The following ATRN variants were observed in gnomAD, a reference collection of about 807,000 sequenced individuals.
ATRN encodes the protein attractin-2.
In ATRN, 54 loss-of-function variants were observed where a neutral mutation model predicts 178.7. The observed-to-expected ratio is 0.30, with a 90% CI of 0.24 to 0.38. The LOEUF (loss-of-function observed/expected upper bound fraction) is 0.38. Ranked by LOEUF, ATRN falls within the 10% of genes least tolerant of loss-of-function variation. ATRN has a pLI of 1.00. For synonymous variants in ATRN, 636 were observed against 663.0 expected (o/e 0.96, Z 0.63); for missense variants, 1,443 against 1,815.1 (o/e 0.79, Z 3.73).
At chr20:3,556,434 C>A (rs2085877531) in intron 6 of ATRN, among the ~76,000 whole-genome samples, 1 of 152,172 alleles carries the variant, frequency 6.6e-6, no homozygotes, top group African/African-American at 2.4e-5. Context: ...GGGGTCATGT[C>A]TAGTCTCCAC....
At position 3,565,390 on chromosome 20, in the gene ATRN, A is replaced by G. The variant is rs747827233; in HGVS notation, c.1829A>G (p.His610Arg). 4 of 1,614,020 alleles carry G rather than the reference A, an allele frequency of 2.5e-6. No homozygotes were observed. In the South Asian group the frequency reaches 3.3e-5, roughly 13 times the overall value. Reference sequence around the variant, plus strand: ...GTGCTTCCCAGACCTGATCTCCACCATGATGTCAACAGATTTGGCCATTCA... The same window carrying G: ...GTGCTTCCCAGACCTGATCTCCACCGTGATGTCAACAGATTTGGCCATTCA... ...WSVLPRPDLH[H>R]DVNRFGHSAV... The change falls in exon 11 of 29, where the codon CAT becomes CGT. Residue 610 changes from histidine (H) to arginine (R), a missense_variant. This residue lies in a region of ATRN where 862 missense variants were observed against 972.1 expected (regional missense o/e 0.89). Transcript: ENST00000262919.
chr20:3,474,942 G>T (rs1307161041), intron 1 of ATRN, among the ~76,000 whole-genome samples: 1 of 148,130 alleles, frequency 6.8e-6, no homozygotes, highest in African/African-American at 2.5e-5. Context: ...TGAGGCAGGA[G>T]AATTGCTTGA....
intron 13 of ATRN, among the ~76,000 whole-genome samples, 185 bp downstream of exon 13, chr20:3,576,133 C>G (rs760380404): frequency 1.4e-4 from 21 of 152,112 alleles, no homozygotes; most frequent in Non-Finnish European, 2.9e-4. Context: ...GTCCTACTAG[C>G]CCTGGGAATT....
rs548451784 is a variant in ATRN at position 3,492,835 on chromosome 20, GGA to G, written c.410+21336_410+21337del. 2.7e-3 allele frequency among the ~76,000 whole-genome samples: 354 copies of G among 132,554 alleles called. 6 individuals are homozygous for G. The South Asian group carries it at 0.033, about 12-fold the overall frequency. The allele number at this position is 132,554 out of a possible 152,430, so 87.0% of individuals were successfully genotyped here. A position where few individuals can be genotyped will look rare whatever the true frequency, so the allele number is the denominator to read the frequency against. On this transcript the variant is annotated intron_variant, in intron 1 of 28. Coordinates refer to ENST00000262919, the MANE Select transcript of ATRN (RefSeq NM_139321.3). ...TCCAGAGAGAGAGAGAAATAGAAAG[GGA>G]GAGAGAGAGAGAGAGAGGCGCGCGC...
chr20:3,634,149 C>T (rs1157485000), intron 25 of ATRN, among the ~76,000 whole-genome samples, 162 bp from the exon 26 acceptor site: 1 of 152,188 alleles, frequency 6.6e-6, no homozygotes, highest in Admixed American at 6.5e-5. Context: ...AGTTGTCTCA[C>T]TCATTACCTC....
intron 3 of ATRN, among the ~76,000 whole-genome samples, chr20:3,541,932 CAGAG>C (rs1219938319): frequency 6.6e-6 from 1 of 152,156 alleles, no homozygotes; most frequent in African/African-American, 2.4e-5. Context: ...AGGGAGGTAA[CAGAG>C]AGCAAACAGT....
chr20:3,588,898 A>G (rs752831816), intron 18 of ATRN, among the ~76,000 whole-genome samples: 7 of 150,958 alleles, frequency 4.6e-5, no homozygotes, highest in African/African-American at 7.3e-5. Context: ...TGAGTGAGTC[A>G]GTTTTGGTAA....
intron 1 of ATRN, among the ~76,000 whole-genome samples, chr20:3,487,543 T>C (rs992588003): frequency 4.6e-5 from 7 of 152,214 alleles, no homozygotes; most frequent in Non-Finnish European, 8.8e-5. Context: ...AACTGAACTT[T>C]ATAGGGTCTA....
At chr20:3,541,199 T>A (rs1015437017) in intron 3 of ATRN, among the ~76,000 whole-genome samples, 1 of 150,502 alleles carries the variant, frequency 6.6e-6, no homozygotes, top group Non-Finnish European at 1.5e-5. Flanking sequence ...TGCCTCAGCC[T>A]CCCGAGTAGC....
chr20:3,524,344 C>T (rs1425599335), intron 1 of ATRN, among the ~76,000 whole-genome samples: 2 of 151,940 alleles, frequency 1.3e-5, no homozygotes, highest in Non-Finnish European at 2.9e-5. Flanking sequence ...TTAAAGAGAT[C>T]AATGCAACAA....
intron 1 of ATRN, among the ~76,000 whole-genome samples, chr20:3,474,964 G>C (rs1008213056): frequency 6.6e-6 from 1 of 150,576 alleles, no homozygotes; most frequent in South Asian, 2.1e-4. Flanking sequence ...CCCGGGAAGC[G>C]GAGGTTGCAG....
At chr20:3,634,048 A>G (rs369872081) in intron 25 of ATRN, among the ~76,000 whole-genome samples, 37 of 152,274 alleles carry the variant, frequency 2.4e-4, no homozygotes, top group African/African-American at 8.7e-4. Context: ...GGCCATTCTG[A>G]TGAAGGCCAA....
chr20:3,577,011 G>A lies in ATRN; in HGVS notation c.2353+14G>A, dbSNP rs756349631. 4.3e-6 allele frequency: 7 copies of A among 1,613,040 alleles called. No individual in the cohort carries two copies. The highest frequency in any genetic ancestry group is 1.3e-5 in the African/African-American group (1 of 74,874). On this transcript the variant is annotated intron_variant, in intron 14 of 28. Transcript: ENST00000262919. The stretch of plus-strand genomic sequence containing the variant: ...TTGCCCTGCCCGGTAGGCCTTGCAG[G>A]GTCATCTTGGTGTGTGTGGGTCCAT...
chr20:3,504,967 CA>C (rs2085021086), intron 1 of ATRN, among the ~76,000 whole-genome samples: 1 of 151,910 alleles, frequency 6.6e-6, no homozygotes, highest in Admixed American at 6.6e-5. Context: ...TAAAACTATA[CA>C]AAAAGATAAA....
At chr20:3,475,700 A>G (rs2084517705) in intron 1 of ATRN, among the ~76,000 whole-genome samples, 1 of 152,216 alleles carries the variant, frequency 6.6e-6, no homozygotes, top group African/African-American at 2.4e-5. Context: ...CAATTCTTTT[A>G]AGTTCCTGCT....
At chr20:3,528,912 A>T (rs2085411761) in intron 1 of ATRN, among the ~76,000 whole-genome samples, 1 of 152,012 alleles carries the variant, frequency 6.6e-6, no homozygotes, top group Admixed American at 6.6e-5. Flanking sequence ...TCCTGGGCTC[A>T]AGCAATCCTT....
chr20:3,549,252 A>G lies in ATRN; in HGVS notation c.1026A>G (p.Ala342=). The G allele has an allele frequency of 6.2e-7, 1 of 1,610,970 alleles. No individual in the cohort carries two copies. Among genetic ancestry groups the G allele is most frequent in the Non-Finnish European group, 8.5e-7 (1 of 1,178,618 alleles). ...EEYSNLKLPR[A]SHKAVVNGNI... is the part of the protein sequence containing the mutation. ...ATTCTAACTTAAAGCTCCCCAGAGC[A>G]TCTCATAAAGCTGTGGTCAATGGAA... is the stretch of plus-strand genomic sequence containing the variant. The change falls in exon 6 of 29, where the codon GCA becomes GCG. Residue 342 remains alanine (A), a synonymous_variant. Coordinates refer to ENST00000262919, the MANE Select transcript of ATRN (RefSeq NM_139321.3).
chr20:3,617,970 C>G (rs897194206), intron 24 of ATRN, among the ~76,000 whole-genome samples: 3 of 152,180 alleles, frequency 2.0e-5, no homozygotes, highest in Non-Finnish European at 4.4e-5. Context: ...TCCCAGCAAG[C>G]CTCCTGCCTT....
chr20:3,565,373 C>T lies in ATRN; in HGVS notation c.1812C>T (p.Pro604=). ...CCTGTGACCGCTGGTCAGTGCTTCC[C>T]AGACCTGATCTCCACCATGATGTCA... is the stretch of plus-strand genomic sequence containing the variant. ...DIACDRWSVL[P]RPDLHHDVNR... Residue 604 remains proline, a synonymous_variant, in exon 11 of 29, where the codon CCC becomes CCT. Coordinates refer to ENST00000262919, the MANE Select transcript of ATRN (RefSeq NM_139321.3). 1.2e-6 allele frequency: 2 copies of T among 1,614,032 alleles called. No individual in the cohort carries two copies. The highest frequency in any genetic ancestry group is 1.7e-6 in the Non-Finnish European group (2 of 1,179,974).
Sources: allele counts gnomAD v4.1 joint callset (sites outside exome capture counted in the v4.1 genomes callset), GRCh38; gene constraint gnomAD v4.1.1; regional missense constraint gnomAD v4.1.1; transcripts MANE v1.5; gene names NCBI Gene and HGNC (gene_info 2026-07-23, HGNC 2026-07-21).